Variants in STK24 observed in about 807,000 individuals in gnomAD.
The protein encoded by STK24 is serine/threonine-protein kinase 24.
Under a neutral mutation model 55.6 loss-of-function variants are expected in STK24, and 21 were observed. The observed-to-expected ratio is 0.38, with a 90% confidence interval of 0.27 to 0.54. The LOEUF is 0.54. STK24 is among the 20% of genes least tolerant of loss of function. STK24 has a pLI of 0.79. For missense variants in STK24, 383 were observed against 538.4 expected (o/e 0.71, Z 2.86); for synonymous variants, 200 against 215.2 (o/e 0.93, Z 0.62).
chr13:98,528,875 C>T (rs1158861763), intron 1 of STK24, among the ~76,000 whole-genome samples: 1 of 152,172 alleles, frequency 6.6e-6, no homozygotes, highest in African/African-American at 2.4e-5. Flanking sequence ...ACTATCCCTA[C>T]TGGAGCGGGC....
In STK24 at chr13:98,526,546, A is replaced by G. The variant is rs141578247; in HGVS notation, c.43-7073T>C. On this transcript the variant is annotated intron_variant, in intron 1 of 10. Transcript: ENST00000539966. ...TGGAGGGGTTTGAACCTAGCCAGCAAGCTCCTGTCTCCTCACTGTACTAGG... is the reference window on the plus strand; with the variant it reads ...TGGAGGGGTTTGAACCTAGCCAGCAGGCTCCTGTCTCCTCACTGTACTAGG... 2.5e-4 allele frequency among the ~76,000 whole-genome samples: 38 copies of G among 152,334 alleles called. 1 individual carries two copies. The East Asian group carries it at 7.3e-3, about 29-fold the overall frequency.
At chr13:98,549,291 C>T (rs917211091) in intron 1 of STK24, among the ~76,000 whole-genome samples, 8 of 152,214 alleles carry the variant, frequency 5.3e-5, no homozygotes, top group Non-Finnish European at 1.0e-4. Flanking sequence ...GGTCAAGGCA[C>T]TGGCAGATTC....
chr13:98,476,928 G>A (rs1894398917), intron 3 of STK24, among the ~76,000 whole-genome samples: 2 of 152,240 alleles, frequency 1.3e-5, no homozygotes, highest in African/African-American at 4.8e-5. Context: ...GGACCCAGGT[G>A]CAGAGAATGC....
At chr13:98,563,667 G>C (rs1421999163) in intron 1 of STK24, among the ~76,000 whole-genome samples, 1 of 152,066 alleles carries the variant, frequency 6.6e-6, no homozygotes, top group African/African-American at 2.4e-5. Flanking sequence ...GACCATCCTG[G>C]CTAACATGGT....
At chr13:98,520,961 T>A (rs1319527969) in intron 1 of STK24, among the ~76,000 whole-genome samples, 1 of 152,168 alleles carries the variant, frequency 6.6e-6, no homozygotes, top group Non-Finnish European at 1.5e-5. Context: ...ACCATCTTAG[T>A]ACAAAATGAA....
chr13:98,565,409 C>T (rs765091279), intron 1 of STK24, among the ~76,000 whole-genome samples: 3 of 152,132 alleles, frequency 2.0e-5, no homozygotes, highest in Non-Finnish European at 4.4e-5. Flanking sequence ...GAGAGGATCA[C>T]TTGAGGTCAG....
intron 1 of STK24, among the ~76,000 whole-genome samples, chr13:98,561,695 G>A (rs1250054311): frequency 1.3e-5 from 2 of 152,058 alleles, no homozygotes; most frequent in Admixed American, 1.3e-4. Context: ...GGGCAGGGCT[G>A]GTCGGGTGCA....
At chr13:98,483,881 C>A (rs1385496798) in intron 2 of STK24, among the ~76,000 whole-genome samples, 3 of 152,232 alleles carry the variant, frequency 2.0e-5, no homozygotes, top group Non-Finnish European at 4.4e-5. Flanking sequence ...ATCCTGCCAT[C>A]TGGAGTTGAT....
At chr13:98,576,203 A>C (rs1594683342) in intron 1 of STK24, 1 of 985,130 alleles carries the variant, frequency 1.0e-6, no homozygotes. Context: ...ACTCGCGGTT[A>C]CCTTCCTCCA....
intron 2 of STK24, among the ~76,000 whole-genome samples, chr13:98,485,393 G>A (rs1003847441): frequency 6.6e-6 from 1 of 152,112 alleles, no homozygotes; most frequent in Non-Finnish European, 1.5e-5. Flanking sequence ...CTGGGTGGGG[G>A]CCACAAGATC....
At chr13:98,474,081 G>A (rs1341501443) in intron 5 of STK24, among the ~76,000 whole-genome samples, 1 of 152,218 alleles carries the variant, frequency 6.6e-6, no homozygotes, top group East Asian at 1.9e-4. Flanking sequence ...AGAGCAGACT[G>A]TGCGAACTGA....
At chr13:98,529,596 A>G (rs1028273581) in intron 1 of STK24, among the ~76,000 whole-genome samples, 3 of 152,218 alleles carry the variant, frequency 2.0e-5, no homozygotes, top group Admixed American at 2.0e-4. Flanking sequence ...CATATACAGT[A>G]TGAGTCCCTT....
intron 1 of STK24, among the ~76,000 whole-genome samples, chr13:98,555,557 C>G (rs1256098416): frequency 6.6e-6 from 1 of 151,008 alleles, no homozygotes; most frequent in Non-Finnish European, 1.5e-5. Context: ...CCAGCCTGGG[C>G]GACAGAGTGA....
chr13:98,482,546 G>A (rs112787496), intron 2 of STK24, among the ~76,000 whole-genome samples: 265 of 152,282 alleles, frequency 1.7e-3, no homozygotes, highest in African/African-American at 5.7e-3. Flanking sequence ...TCGGGGGCCC[G>A]CACCTGACTC....
Position 98,484,283 on chromosome 13 carries a change from G to A in STK24, c.274-1962C>T, listed in dbSNP as rs923163304. ...CACCAGTATCTTTCTAGATGGCAAA[G>A]GAAATCTAAATCGCTTTTCCCTAAG... On this transcript the variant is annotated intron_variant, in intron 2 of 10. Coordinates refer to ENST00000539966, the MANE Select transcript of STK24 (RefSeq NM_001032296.4). Among the ~76,000 whole-genome samples, 39 of 152,212 alleles carry A rather than the reference G, an allele frequency of 2.6e-4. 1 individual carries two copies. The highest frequency in any genetic ancestry group is 9.2e-4 in the African/African-American group (38 of 41,446).
intron 1 of STK24, among the ~76,000 whole-genome samples, chr13:98,525,887 C>T (rs1746005261): frequency 1.3e-5 from 2 of 152,254 alleles, no homozygotes. Flanking sequence ...CACTCGAATA[C>T]TGATTTCTCT....
intron 1 of STK24, among the ~76,000 whole-genome samples, chr13:98,534,080 C>G (rs574958928): frequency 6.6e-6 from 1 of 152,204 alleles, no homozygotes; most frequent in Non-Finnish European, 1.5e-5. Context: ...CTCCTCCAAC[C>G]GCATGAGGCT....
intron 3 of STK24, among the ~76,000 whole-genome samples, chr13:98,475,777 A>C (rs1341800286): frequency 8.5e-5 from 13 of 152,064 alleles, no homozygotes. Context: ...CAGGCTGGGG[A>C]TTTCACTCCA....
At chr13:98,454,549 C>T (rs761896484) in intron 10 of STK24, 1 of 152,190 alleles carries the variant, frequency 6.6e-6, no homozygotes, top group Non-Finnish European at 1.5e-5. Context: ...TCAAGAAATA[C>T]AAATGACTAA....
Sources: gnomAD v4.1 joint callset for allele counts (sites outside exome capture counted in the v4.1 genomes callset) on GRCh38, gnomAD v4.1.1 for gene constraint, MANE v1.5 for transcripts, NCBI Gene and HGNC (gene_info 2026-07-23, HGNC 2026-07-21) for gene names.